Variants in KCNJ9 observed in about 807,000 individuals in gnomAD.
KCNJ9 encodes the protein potassium inwardly rectifying channel subfamily J member 9.
KCNJ9 carries 18 observed loss-of-function variants against 27.9 expected under a neutral mutation model. That is an observed-to-expected ratio of 0.65 (90% CI 0.45 to 0.96). KCNJ9 has a LOEUF of 0.96. Ranked by LOEUF, KCNJ9 falls within the 40% of genes least tolerant of loss-of-function variation. The pLI, the probability that KCNJ9 is intolerant of heterozygous loss-of-function variation, is 0.00. For synonymous variants in KCNJ9, 229 were observed against 248.2 expected (o/e 0.92, Z 0.73); for missense variants, 324 against 557.5 (o/e 0.58, Z 4.22).
chr1:160,083,846 C>T (rs1649726742), intron 1 of KCNJ9, 71 bp from the exon 2 acceptor site: 2 of 384,044 alleles, frequency 5.2e-6, no homozygotes, highest in Non-Finnish European at 8.5e-6. Flanking sequence ...CCCCAGGGCT[C>T]GGTGCTGGCC....
At chr1:160,084,967 G>A in intron 2 of KCNJ9, 87 bp downstream of exon 2, 1 of 1,387,780 alleles carries the variant, frequency 7.2e-7, no homozygotes, top group Non-Finnish European at 9.6e-7. Context: ...GGCCAGGGGA[G>A]CTGGGGAGGA....
Position 160,087,620 on chromosome 1 carries a change from C to G in KCNJ9, c.985C>G (p.Pro329Ala). 1.2e-6 allele frequency: 2 copies of G among 1,613,600 alleles called. No homozygotes were observed. Among genetic ancestry groups the G allele is most frequent in the Non-Finnish European group, 1.7e-6 (2 of 1,179,864 alleles). ...CAGCTTTCACGAGACTTTTGAGGTG[C>G]CCACACCTTCGTGCAGTGCTCGAGA... ...YASFHETFEVPTPSCSARELA... is the reference protein window; with the variant it reads ...YASFHETFEVATPSCSARELA... The change falls in exon 3 of 3, where the codon CCC (proline) becomes GCC (alanine). Residue 329 changes from proline (P) to alanine (A), a missense_variant. Physicochemically the swap from Pro to Ala is conservative, Grantham distance 27 (BLOSUM62 -1). This residue lies in a region of KCNJ9 where 241 missense variants were observed against 481.7 expected (regional missense o/e 0.50). Transcript: ENST00000368088.
rs1268585256 is a variant in KCNJ9, at chr1:160,089,032, G to C, written c.*1215G>C. 1 of 152,226 alleles carries C rather than the reference G, an allele frequency of 6.6e-6. No homozygotes were observed. The highest frequency in any genetic ancestry group is 1.5e-5 in the Non-Finnish European group (1 of 68,060). The allele number at this position is 152,226 out of a possible 1,614,324, so 9.4% of individuals were successfully genotyped here. A position where few individuals can be genotyped will look rare whatever the true frequency, so the allele number is the denominator to read the frequency against. The stretch of plus-strand genomic sequence containing the variant: ...GGCTTGGTAAAACACAGATTTTTGG[G>C]CTCCACTCCAAGGGTTTCTGACCCA... On this transcript the variant is annotated 3_prime_UTR_variant, in exon 3 of 3. Coordinates refer to ENST00000368088, the MANE Select transcript of KCNJ9 (RefSeq NM_004983.3).
chr1:160,083,294 G>C (rs1388773229), intron 1 of KCNJ9, among the ~76,000 whole-genome samples: 5 of 152,236 alleles, frequency 3.3e-5, no homozygotes, highest in Non-Finnish European at 7.3e-5. Context: ...TTGTGCACTG[G>C]AGGGTTTCCA....
chr1:160,087,107 A>G (rs1047215532), intron 2 of KCNJ9, among the ~76,000 whole-genome samples: 1 of 152,244 alleles, frequency 6.6e-6, no homozygotes, highest in African/African-American at 2.4e-5. Context: ...TGAGCTATCA[A>G]TCCTGGGAGG....
Position 160,087,768 on chromosome 1 carries a change from A to T in KCNJ9, c.1133A>T (p.Lys378Met). The T allele has an allele frequency of 6.7e-7, 1 of 1,492,586 alleles. No homozygotes were observed. The allele number at this position is 1,492,586 out of a possible 1,614,324, so 92.5% of individuals were successfully genotyped here. ...EGAGGEAGAD[K>M]EQNGCLPPPE... is the part of the protein sequence containing the mutation. ...GCGGGTGGGGAAGCTGGGGCTGACA[A>T]GGAGCAGAATGGCTGCCTGCCACCC... Residue 378 changes from lysine (K) to methionine (M), a missense_variant, in exon 3 of 3, where the codon AAG (lysine) becomes ATG (methionine). Physicochemically the swap from Lys to Met is moderately conservative, Grantham distance 95. Transcript: ENST00000368088.
rs1224106180 is a variant in KCNJ9, at chr1:160,090,068, T to C, written c.*2251T>C. 2.6e-5 allele frequency: 4 copies of C among 152,130 alleles called. No individual in the cohort carries two copies. Among genetic ancestry groups the C allele is most frequent in the Non-Finnish European group, 5.9e-5 (4 of 68,022 alleles). 9.4% of individuals were successfully genotyped at this position (152,130 alleles called of 1,614,324 possible). On this transcript the variant is annotated 3_prime_UTR_variant, in exon 3 of 3. Transcript: ENST00000368088. ...AGAGAGGACCCAAGTCCCAGTCCCTTCCTTTCAGTCAAAACACGGATATCT... is the reference window on the plus strand; with the variant it reads ...AGAGAGGACCCAAGTCCCAGTCCCTCCCTTTCAGTCAAAACACGGATATCT...
rs764034251 is a variant in KCNJ9, at chr1:160,084,588, C to T, written c.558C>T (p.Leu186=). 6.2e-7 allele frequency: 1 copy of T among 1,610,828 alleles called. No individual in the cohort carries two copies. The highest frequency in any genetic ancestry group is 1.7e-5 in the Admixed American group (1 of 59,728). ...TGGTGTCGCTGCGCGACGGGCGCCTCTGCCTCATGTTCCGCGTGGGCGACT... is the reference window on the plus strand; with the variant it reads ...TGGTGTCGCTGCGCGACGGGCGCCTTTGCCTCATGTTCCGCGTGGGCGACT... ...HAVVSLRDGR[L]CLMFRVGDLR... Residue 186 remains leucine (L), a synonymous_variant, in exon 2 of 3, where the codon CTC becomes CTT. Coordinates refer to ENST00000368088, the MANE Select transcript of KCNJ9 (RefSeq NM_004983.3).
Position 160,084,005 on chromosome 1 carries a change from G to T in KCNJ9, c.-26G>T. The T allele has an allele frequency of 7.8e-7, 1 of 1,290,006 alleles. No homozygotes were observed. The highest frequency in any genetic ancestry group is 1.6e-5 in the African/African-American group (1 of 64,222). The allele number at this position is 1,290,006 out of a possible 1,614,324, so 79.9% of individuals were successfully genotyped here. A position where few individuals can be genotyped will look rare whatever the true frequency, so the allele number is the denominator to read the frequency against. ...GGCCCCCGCCGCACTCCAGGCGCCC[G>T]CAGCGCTCGCCCTGACGCGGCCGCC... is the stretch of plus-strand genomic sequence containing the variant. On this transcript the variant is annotated 5_prime_UTR_variant, in exon 2 of 3. Transcript: ENST00000368088.
chr1:160,087,718 G>A lies in KCNJ9; in HGVS notation c.1083G>A (p.Val361=), dbSNP rs1422435354. ...TCCCCAGCCGGCTGGATGAGAAGGT[G>A]GAGGAGGAGGGGGCGGGGGAGGGGG... ...WSIPSRLDEK[V]EEEGAGEGAG... is the part of the protein sequence containing the mutation. The change falls in exon 3 of 3, where the codon GTG becomes GTA. Residue 361 remains valine, a synonymous_variant. Transcript: ENST00000368088. 1 of 1,222,512 alleles carries A rather than the reference G, an allele frequency of 8.2e-7. No individual in the cohort carries two copies. The highest frequency in any genetic ancestry group is 4.1e-5 in the East Asian group (1 of 24,628). The allele number at this position is 1,222,512 out of a possible 1,614,324, so 75.7% of individuals were successfully genotyped here.
chr1:160,084,059 C>T lies in KCNJ9; in HGVS notation c.29C>T (p.Pro10Leu), dbSNP rs1649731214. Reference sequence around the variant, plus strand: ...GCGCAGGAGAACGCGGCCTTCTCGCCCGGGCAGGAGGAGCCGCCGCGGCGC... The same window carrying T: ...GCGCAGGAGAACGCGGCCTTCTCGCTCGGGCAGGAGGAGCCGCCGCGGCGC... MAQENAAFS[P>L]GQEEPPRRRG... The change falls in exon 2 of 3, where the codon CCC (proline) becomes CTC (leucine). Residue 10 changes from proline (P) to leucine (L), a missense_variant. Physicochemically the swap from Pro to Leu is moderately conservative, Grantham distance 98. Coordinates refer to ENST00000368088, the MANE Select transcript of KCNJ9 (RefSeq NM_004983.3). The T allele has an allele frequency of 6.5e-7, 1 of 1,527,860 alleles. No individual in the cohort carries two copies. Among genetic ancestry groups the T allele is most frequent in the Admixed American group, 2.0e-5 (1 of 50,162 alleles). The allele number at this position is 1,527,860 out of a possible 1,614,324, so 94.6% of individuals were successfully genotyped here.
In KCNJ9 at chr1:160,087,523, C is replaced by T. The variant is rs187798481; in HGVS notation, c.888C>T (p.Asp296=). ...AAGCTCGGAGCTCCTACCTGGTAGA[C>T]GAGGTGCTGTGGGGCCACCGCTTCA... ...TCQARSSYLV[D]EVLWGHRFTS... is the part of the protein sequence containing the mutation. The change falls in exon 3 of 3, where the codon GAC becomes GAT. Residue 296 remains aspartate (D), a synonymous_variant. Coordinates refer to ENST00000368088, the MANE Select transcript of KCNJ9 (RefSeq NM_004983.3). 1.2e-4 allele frequency: 196 copies of T among 1,609,758 alleles called. No homozygotes were observed. Among genetic ancestry groups the T allele is most frequent in the South Asian group, 6.3e-4 (57 of 90,700 alleles).
At position 160,088,774 on chromosome 1, in the gene KCNJ9, T is replaced by C. The variant is rs879228412; in HGVS notation, c.*957T>C. The C allele has an allele frequency of 3.3e-5, 5 of 152,174 alleles. No individual in the cohort carries two copies. The highest frequency in any genetic ancestry group is 3.3e-4 in the Admixed American group (5 of 15,280). 9.4% of individuals were successfully genotyped at this position (152,174 alleles called of 1,614,324 possible). On this transcript the variant is annotated 3_prime_UTR_variant, in exon 3 of 3. Coordinates refer to ENST00000368088, the MANE Select transcript of KCNJ9 (RefSeq NM_004983.3). ...CATTCACATCACTGATTGGGTGCCATGTGGAGTGGACATTCAAAAACCTGG... is the reference window on the plus strand; with the variant it reads ...CATTCACATCACTGATTGGGTGCCACGTGGAGTGGACATTCAAAAACCTGG...
At position 160,084,879 on chromosome 1, in the gene KCNJ9, G is replaced by T. The variant is rs768574656; in HGVS notation, c.849G>T (p.Thr283=). ...TCCTCGAGGGCATGGTGGAAGCCACGGGTGCGAGCAGGCCTGGGGAGGGGA... is the reference window on the plus strand; with the variant it reads ...TCCTCGAGGGCATGGTGGAAGCCACTGGTGCGAGCAGGCCTGGGGAGGGGA... ...VVILEGMVEA[T]GMTCQARSSY... is the part of the protein sequence containing the mutation. Residue 283 remains threonine (T), a splice_region_variant and synonymous_variant, in exon 2 of 3, where the codon ACG becomes ACT. Transcript: ENST00000368088. The T allele has an allele frequency of 6.6e-7, 1 of 1,526,054 alleles. No homozygotes were observed. The highest frequency in any genetic ancestry group is 2.0e-5 in the Admixed American group (1 of 50,696). The allele number at this position is 1,526,054 out of a possible 1,614,324, so 94.5% of individuals were successfully genotyped here. A position where few individuals can be genotyped will look rare whatever the true frequency, so the allele number is the denominator to read the frequency against.
Position 160,084,818 on chromosome 1 carries a change from G to C in KCNJ9, c.788G>C (p.Arg263Pro), listed in dbSNP as rs1354520105. The C allele has an allele frequency of 1.9e-6, 3 of 1,549,464 alleles. No homozygotes were observed. Among genetic ancestry groups the C allele is most frequent in the East Asian group, 2.4e-5 (1 of 40,972 alleles). The change falls in exon 2 of 3, where the codon CGT becomes CCT. Residue 263 changes from arginine to proline, a missense_variant. Arg to Pro is a moderately radical substitution (Grantham distance 103, BLOSUM62 -2). Coordinates refer to ENST00000368088, the MANE Select transcript of KCNJ9 (RefSeq NM_004983.3). ...AGCCCCTTCTGGGAGGCGTCGCGCCGTGCCCTCGAGAGGGACGACTTCGAG... is the reference window on the plus strand; with the variant it reads ...AGCCCCTTCTGGGAGGCGTCGCGCCCTGCCCTCGAGAGGGACGACTTCGAG... ...AASPFWEASR[R>P]ALERDDFEIV...
chr1:160,085,215 C>A (rs1180658925), intron 2 of KCNJ9, among the ~76,000 whole-genome samples: 1 of 152,216 alleles, frequency 6.6e-6, no homozygotes, highest in Non-Finnish European at 1.5e-5. Flanking sequence ...CACTTTCTAC[C>A]TCTGAGTCGA....
intron 1 of KCNJ9, among the ~76,000 whole-genome samples, chr1:160,082,275 G>A (rs1649691351): frequency 6.6e-6 from 1 of 152,152 alleles, no homozygotes. Context: ...TGCATGACCT[G>A]GGGTCTCTGA....
At position 160,084,117 on chromosome 1, in the gene KCNJ9, C is replaced by T. The variant is rs1440635567; in HGVS notation, c.87C>T (p.Gly29=). Residue 29 remains glycine, a synonymous_variant, in exon 2 of 3, where the codon GGC becomes GGT. Transcript: ENST00000368088. ...GCCAGCGCTACGTGGAGAAGGATGG[C>T]CGGTGCAACGTGCAGCAGGGCAACG... ...RGRQRYVEKD[G]RCNVQQGNVR... The T allele has an allele frequency of 1.9e-6, 3 of 1,553,920 alleles. No homozygotes were observed. In the Admixed American group the frequency reaches 5.8e-5, roughly 30 times the overall value.
chr1:160,087,865 A>G lies in KCNJ9; in HGVS notation c.*48A>G. ...GGCAGACCGGGGGCCAGACACAGAT[A>G]CATGGGGAACTGCATATCGGAGGTG... On this transcript the variant is annotated 3_prime_UTR_variant, in exon 3 of 3. Coordinates refer to ENST00000368088, the MANE Select transcript of KCNJ9 (RefSeq NM_004983.3). 1 of 1,412,398 alleles carries G rather than the reference A, an allele frequency of 7.1e-7. No homozygotes were observed. Among genetic ancestry groups the G allele is most frequent in the Middle Eastern group, 2.6e-4 (1 of 3,840 alleles). The allele number at this position is 1,412,398 out of a possible 1,614,324, so 87.5% of individuals were successfully genotyped here.
Sources: gnomAD v4.1 joint callset for allele counts (sites outside exome capture counted in the v4.1 genomes callset) on GRCh38, gnomAD v4.1.1 for gene constraint, gnomAD v4.1.1 regional missense constraint, MANE v1.5 for transcripts, NCBI Gene and HGNC (gene_info 2026-07-23, HGNC 2026-07-21) for gene names.